CAMK2A: variants seen among roughly 807,000 people sequenced by gnomAD.
The protein encoded by CAMK2A is calcium/calmodulin-dependent protein kinase type II subunit alpha.
A neutral mutation model predicts 79.2 loss-of-function variants in CAMK2A; 7 were observed. The observed-to-expected ratio is 0.09, with a 90% CI of 0.05 to 0.17. CAMK2A has a LOEUF of 0.17. CAMK2A is among the 10% of genes least tolerant of loss of function. The pLI is 1.00. For missense variants in CAMK2A, 214 were observed against 646.4 expected, an observed-to-expected ratio of 0.33 and a Z score of 7.25; for synonymous variants, 242 against 251.7, an observed-to-expected ratio of 0.96 and a Z score of 0.36.
In CAMK2A at chr5:150,256,731, C is replaced by T. The variant is rs1433831941; in HGVS notation, c.338+35G>A. On this transcript the variant is annotated intron_variant, in intron 5 of 18. Transcript: ENST00000671881. This position sits in a 1 kb window ranked among gnomAD's most constrained non-coding sequence, Gnocchi z 4.6. ...GACAGCAGGCAAGAGTGCCCTGTCC[C>T]CGGGTGCCATTGCCAGGCAGCACCT... is the stretch of plus-strand genomic sequence containing the variant. 1 of 1,610,690 alleles carries T rather than the reference C, an allele frequency of 6.2e-7. No homozygotes were observed. Among genetic ancestry groups the T allele is most frequent in the Non-Finnish European group, 8.5e-7 (1 of 1,176,988 alleles).
chr5:150,288,086 G>A (rs1757503343), intron 1 of CAMK2A, among the ~76,000 whole-genome samples: 1 of 151,984 alleles, frequency 6.6e-6, no homozygotes, highest in Non-Finnish European at 1.5e-5. Context: ...AACCCTGTGA[G>A]CCCAGGCCTC....
chr5:150,277,496 G>A (rs1445230614), intron 1 of CAMK2A, among the ~76,000 whole-genome samples: 1 of 152,218 alleles, frequency 6.6e-6, no homozygotes, highest in Non-Finnish European at 1.5e-5. Context: ...GGCCGTAAGA[G>A]CTACGTCTAT....
intron 13 of CAMK2A, among the ~76,000 whole-genome samples, chr5:150,241,593 C>T (rs1248147436): frequency 1.5e-5 from 2 of 134,486 alleles, no homozygotes; most frequent in African/African-American, 5.6e-5. Context: ...CCTTCTTGTC[C>T]TCTTCCTCTC....
intron 3 of CAMK2A, among the ~76,000 whole-genome samples, chr5:150,260,808 T>C (rs776002660): frequency 3.3e-5 from 5 of 152,334 alleles, no homozygotes; most frequent in African/African-American, 7.2e-5. Context: ...ACTTGTATTG[T>C]TAGTGTATCA....
At chr5:150,281,752 G>A (rs1033757015) in intron 1 of CAMK2A, among the ~76,000 whole-genome samples, 1 of 152,304 alleles carries the variant, frequency 6.6e-6, no homozygotes, top group Non-Finnish European at 1.5e-5. Context: ...GCTTACTTGA[G>A]ATTCTCTGAG....
chr5:150,289,723 G>T lies in CAMK2A; in HGVS notation c.-98C>A. 1.1e-6 allele frequency: 1 copy of T among 910,532 alleles called. No individual in the cohort carries two copies. The highest frequency in any genetic ancestry group is 1.7e-6 in the Non-Finnish European group (1 of 576,246). The allele number at this position is 910,532 out of a possible 1,614,324, so 56.4% of individuals were successfully genotyped here. ...ACCTAGGGACCACTTGCCTGCCCGT[G>T]CTGCCGAGTGCAAACAGAGAACCGG... On this transcript the variant is annotated 5_prime_UTR_variant, in exon 1 of 19. Coordinates refer to ENST00000671881, the MANE Select transcript of CAMK2A (RefSeq NM_015981.4).
intron 14 of CAMK2A, among the ~76,000 whole-genome samples, chr5:150,239,452 C>A (rs1755242004): frequency 6.6e-6 from 1 of 152,196 alleles, no homozygotes; most frequent in South Asian, 2.1e-4. Context: ...TTCAGATCCA[C>A]CTTCACACCC....
chr5:150,258,167 G>T (rs895738138), intron 3 of CAMK2A, among the ~76,000 whole-genome samples: 7 of 152,230 alleles, frequency 4.6e-5, no homozygotes, highest in African/African-American at 1.7e-4. Flanking sequence ...AGGAGTGAAA[G>T]GGTCCCTGCG....
chr5:150,234,128 T>G (rs1754965429), intron 15 of CAMK2A, among the ~76,000 whole-genome samples: 1 of 152,142 alleles, frequency 6.6e-6, no homozygotes, highest in Admixed American at 6.5e-5. Context: ...ACCTCTTTCT[T>G]GCCACTCCCA....
chr5:150,249,535 G>A (rs941452472), intron 11 of CAMK2A, among the ~76,000 whole-genome samples: 6 of 148,324 alleles, frequency 4.0e-5, no homozygotes, highest in Admixed American at 6.7e-5. Flanking sequence ...TCTGGAACAC[G>A]TTCCCATTCT....
intron 1 of CAMK2A, among the ~76,000 whole-genome samples, chr5:150,276,569 G>A (rs1488614685): frequency 6.6e-6 from 1 of 152,142 alleles, no homozygotes; most frequent in East Asian, 1.9e-4. Context: ...AGACCTTTAG[G>A]TCCCCCTCTA....
At chr5:150,257,492 G>T in intron 4 of CAMK2A, 71 bp downstream of exon 4, 3 of 1,297,940 alleles carry the variant, frequency 2.3e-6, no homozygotes, top group Non-Finnish European at 3.3e-6. Flanking sequence ...AGCCCAAGAG[G>T]TCCAGTGAGG....
At chr5:150,273,492 C>A (rs578156158) in intron 1 of CAMK2A, among the ~76,000 whole-genome samples, 1 of 152,294 alleles carries the variant, frequency 6.6e-6, no homozygotes, top group African/African-American at 2.4e-5. Flanking sequence ...AGATTTTATT[C>A]TTTGAGTAGG....
intron 12 of CAMK2A, 141 bp from the exon 13 acceptor site, chr5:150,245,342 C>T: frequency 1.9e-6 from 1 of 522,120 alleles, no homozygotes; most frequent in East Asian, 3.9e-5. Flanking sequence ...GGGGAGGCCT[C>T]CTCCTCCTCC....
In CAMK2A at chr5:150,278,415, C is replaced by T. The variant is rs147341410; in HGVS notation, c.63-5256G>A. Among the ~76,000 whole-genome samples, 1,150 of 151,890 alleles carry T rather than the reference C, an allele frequency of 7.6e-3. 10 individuals are homozygous for T. The highest frequency in any genetic ancestry group is 0.024 in the Middle Eastern group (7 of 292). On this transcript the variant is annotated intron_variant, in intron 1 of 18. Transcript: ENST00000671881. ...AAAAAGCATGTTTCTGTATTCTTGT[C>T]CTGCATGAACAAGTGGCAATAGCCC... is the stretch of plus-strand genomic sequence containing the variant.
Position 150,222,229 on chromosome 5 carries a change from A to G in CAMK2A, c.*481T>C. The G allele has an allele frequency of 8.2e-6, 4 of 486,082 alleles. No individual in the cohort carries two copies. In the South Asian group the frequency reaches 9.2e-5, roughly 11 times the overall value. The allele number at this position is 486,082 out of a possible 1,614,324, so 30.1% of individuals were successfully genotyped here. A position where few individuals can be genotyped will look rare whatever the true frequency, so the allele number is the denominator to read the frequency against. ...CGTATGCTCTTCTCCCCACTCCTTC[A>G]GTGCGGTTGGCTTAGGGGGAAGGGA... is the stretch of plus-strand genomic sequence containing the variant. On this transcript the variant is annotated 3_prime_UTR_variant, in exon 19 of 19. Coordinates refer to ENST00000671881, the MANE Select transcript of CAMK2A (RefSeq NM_015981.4).
intron 2 of CAMK2A, 91 bp downstream of exon 2, chr5:150,272,974 C>G (rs541236545): frequency 1.0e-5 from 10 of 974,418 alleles, no homozygotes; most frequent in Non-Finnish European, 1.5e-5. Flanking sequence ...CCCAGGGGCT[C>G]AGCCCTGGAT....
intron 3 of CAMK2A, among the ~76,000 whole-genome samples, chr5:150,264,719 C>CAAA (rs5872171): frequency 1.3e-5 from 2 of 151,786 alleles, no homozygotes; most frequent in African/African-American, 4.8e-5. Flanking sequence ...ACAGCTTTTC[C>CAAA]GGAGGCTGCC....
At chr5:150,239,611 G>A (rs923785405) in intron 14 of CAMK2A, 93 bp downstream of exon 14, 27 of 1,191,842 alleles carry the variant, frequency 2.3e-5, no homozygotes, top group Admixed American at 5.1e-5. Context: ...CCCTCTCCCC[G>A]CCCCAGGTTC....
Sources: allele counts gnomAD v4.1 joint callset (sites outside exome capture counted in the v4.1 genomes callset), GRCh38; gene constraint gnomAD v4.1.1; non-coding constraint Gnocchi (gnomAD v3.1); transcripts MANE v1.5; gene names NCBI Gene and HGNC (gene_info 2026-07-23, HGNC 2026-07-21).